CUX1: variants seen among roughly 807,000 people sequenced by gnomAD.
The protein encoded by CUX1 is protein CASP.
Under a neutral mutation model 158.8 loss-of-function variants are expected in CUX1, and 31 were observed. The observed-to-expected ratio is 0.20, with a 90% CI of 0.15 to 0.26. CUX1 has a LOEUF of 0.26. CUX1 is among the 10% of genes least tolerant of loss of function. CUX1 has a pLI of 1.00. For synonymous variants in CUX1, 879 were observed against 862.1 expected, an observed-to-expected ratio of 1.02 and a Z score of -0.34; for missense variants, 1,589 against 2,014.6, an observed-to-expected ratio of 0.79 and a Z score of 4.04.
intron 10 of CUX1, 53 bp downstream of exon 10, chr7:102,170,603 C>T (rs937230299): frequency 2.1e-5 from 26 of 1,218,988 alleles, no homozygotes; most frequent in Non-Finnish European, 2.8e-5. Flanking sequence ...TCCGCACCTT[C>T]GAGTTACAGC....
chr7:102,118,758 T>C (rs1831705337), intron 8 of CUX1, among the ~76,000 whole-genome samples: 1 of 151,938 alleles, frequency 6.6e-6, no homozygotes, highest in Admixed American at 6.6e-5. Context: ...GTTGTTGTTG[T>C]TGTTTTGTTT....
At chr7:102,116,303 G>C (rs1288377295) in intron 8 of CUX1, among the ~76,000 whole-genome samples, 1 of 152,008 alleles carries the variant, frequency 6.6e-6, no homozygotes, top group Non-Finnish European at 1.5e-5. Flanking sequence ...GAGACCTCGA[G>C]AGCCCAGCTT....
At chr7:101,993,055 C>T (rs1411760361) in intron 2 of CUX1, among the ~76,000 whole-genome samples, 1 of 152,056 alleles carries the variant, frequency 6.6e-6, no homozygotes, top group Admixed American at 6.6e-5. Context: ...TTGGGCCAGG[C>T]GTTGTGGTTC....
At chr7:101,819,985 G>A (rs933031052) in intron 1 of CUX1, among the ~76,000 whole-genome samples, 11 of 152,218 alleles carry the variant, frequency 7.2e-5, no homozygotes, top group Non-Finnish European at 1.0e-4. Flanking sequence ...GGTGAACTGT[G>A]CTGAGCCTGA....
intron 10 of CUX1, 32 bp downstream of exon 10, chr7:102,170,582 C>A: frequency 6.8e-7 from 1 of 1,467,192 alleles, no homozygotes; most frequent in Non-Finnish European, 9.3e-7. Flanking sequence ...GGGGACTGTC[C>A]CCGCCTGGCC....
chr7:101,988,820 T>A (rs907038132), intron 2 of CUX1, among the ~76,000 whole-genome samples: 3 of 151,946 alleles, frequency 2.0e-5, no homozygotes, highest in African/African-American at 7.3e-5. Context: ...GGCAGCATAA[T>A]GAGATTCCAT....
At chr7:101,967,355 G>A (rs540218485) in intron 2 of CUX1, among the ~76,000 whole-genome samples, 5 of 152,316 alleles carry the variant, frequency 3.3e-5, no homozygotes, top group Admixed American at 2.0e-4. Context: ...ACTTAGCCAA[G>A]TGTCTTTTTC....
intron 2 of CUX1, among the ~76,000 whole-genome samples, chr7:101,947,035 G>T (rs1387528987): frequency 6.6e-6 from 1 of 152,208 alleles, no homozygotes; most frequent in East Asian, 1.9e-4. Flanking sequence ...GAGAGTGGAA[G>T]TAGGTCCCAA....
At chr7:102,199,616 A>G (rs1260724254) in intron 16 of CUX1, among the ~76,000 whole-genome samples, 3 of 152,208 alleles carry the variant, frequency 2.0e-5, no homozygotes, top group South Asian at 2.1e-4. Context: ...GTGCCTCTGA[A>G]TGATTGATAG....
chr7:101,874,987 G>T (rs1025339687), intron 1 of CUX1, among the ~76,000 whole-genome samples: 2 of 152,090 alleles, frequency 1.3e-5, no homozygotes. Flanking sequence ...CCCACCGCGC[G>T]CTGGCCGCAA....
chr7:102,049,916 G>A (rs762866474), intron 3 of CUX1, among the ~76,000 whole-genome samples: 8 of 152,088 alleles, frequency 5.3e-5, no homozygotes, highest in Non-Finnish European at 1.0e-4. Flanking sequence ...AAGGGCTGCC[G>A]CTCTAGGAAC....
At chr7:102,216,799 CACACACCCCCACACACA>C in intron 20 of CUX1, among the ~76,000 whole-genome samples, 1 of 50,640 alleles carries the variant, frequency 2.0e-5, no homozygotes, top group East Asian at 3.5e-3. Flanking sequence ...CACTCTCCCA[CACACACCCCCACACACA>C]CTCTCCCACC....
Position 102,136,961 on chromosome 7 carries a change from T to C in CUX1, c.675-21599T>C, listed in dbSNP as rs188592943. Among the ~76,000 whole-genome samples the C allele has an allele frequency of 3.3e-3, 507 of 152,292 alleles. 2 individuals are homozygous for C. Among genetic ancestry groups the C allele is most frequent in the Admixed American group, 7.3e-3 (111 of 15,292 alleles). On this transcript the variant is annotated intron_variant, in intron 8 of 23. Coordinates refer to ENST00000292535, the MANE Select transcript of CUX1 (RefSeq NM_181552.4). ...ATTTTCTTGTGTTTACCAAGAAACA[T>C]AGGGCTTTGCTGAACGCTTGATTGT...
intron 1 of CUX1, among the ~76,000 whole-genome samples, chr7:101,895,711 T>C (rs973120573): frequency 2.0e-5 from 3 of 152,096 alleles, no homozygotes; most frequent in Non-Finnish European, 4.4e-5. Flanking sequence ...CATGGCTGCC[T>C]GTAGTCAGCT....
chr7:101,999,727 G>A (rs1399944576), intron 2 of CUX1, among the ~76,000 whole-genome samples: 1 of 152,188 alleles, frequency 6.6e-6, no homozygotes, highest in Admixed American at 6.5e-5. Context: ...AGTCTGCACT[G>A]CCCCATACAC....
chr7:102,107,121 C>CTACT (rs1830439284), intron 6 of CUX1, among the ~76,000 whole-genome samples: 2 of 152,194 alleles, frequency 1.3e-5, no homozygotes, highest in Admixed American at 1.3e-4. Flanking sequence ...ATAGTCTCAG[C>CTACT]TACTTGGGAG....
rs968833201 is a variant in CUX1, at chr7:101,869,296, C to T, written c.31-46819C>T. On this transcript the variant is annotated intron_variant, in intron 1 of 23. Coordinates refer to ENST00000292535, the MANE Select transcript of CUX1 (RefSeq NM_181552.4). This position sits in a 1 kb window ranked among gnomAD's most constrained non-coding sequence, Gnocchi z 4.5. ...AGAGGACGCGGTGCCTTTCAGACCCCTTGAGTAAGAGACAGAGTGGGTCTG... is the reference window on the plus strand; with the variant it reads ...AGAGGACGCGGTGCCTTTCAGACCCTTTGAGTAAGAGACAGAGTGGGTCTG... Among the ~76,000 whole-genome samples the T allele has an allele frequency of 6.6e-6, 1 of 152,146 alleles. No homozygotes were observed. The highest frequency in any genetic ancestry group is 1.5e-5 in the Non-Finnish European group (1 of 68,016).
rs10276169 is a variant in CUX1, at chr7:101,861,421, C to T, written c.30+43752C>T. Among the ~76,000 whole-genome samples the T allele has an allele frequency of 3.9e-3, 597 of 152,286 alleles. 10 individuals are homozygous for T. The highest frequency in any genetic ancestry group is 0.014 in the African/African-American group (570 of 41,552). ...CAGTAACAGGTGCAAATTTGCAACC[C>T]GTTTTTTCCCCAATCTTTTGGAATG... On this transcript the variant is annotated intron_variant, in intron 1 of 23. Coordinates refer to ENST00000292535, the MANE Select transcript of CUX1 (RefSeq NM_181552.4).
intron 1 of CUX1, among the ~76,000 whole-genome samples, chr7:101,849,553 G>A (rs571954406): frequency 2.0e-5 from 3 of 152,136 alleles, no homozygotes; most frequent in South Asian, 2.1e-4. Flanking sequence ...GTGTGTATGC[G>A]CCATGTTTTC....
Sources: gnomAD v4.1 joint callset for allele counts (sites outside exome capture counted in the v4.1 genomes callset) on GRCh38, gnomAD v4.1.1 for gene constraint, Gnocchi (gnomAD v3.1) non-coding constraint, MANE v1.5 for transcripts, NCBI Gene and HGNC (gene_info 2026-07-23, HGNC 2026-07-21) for gene names.